Variants in UNC13B observed in about 807,000 individuals in gnomAD.
UNC13B encodes unc-13 homolog B.
In UNC13B, 144 loss-of-function variants were observed where a neutral mutation model predicts 211.0. The observed-to-expected ratio is 0.68, with a 90% CI of 0.60 to 0.78. The LOEUF (loss-of-function observed/expected upper bound fraction) is 0.78. Among genes scored for constraint, UNC13B ranks in the 30% least tolerant of loss-of-function variants. UNC13B has a pLI of 0.00. For missense variants in UNC13B, 1,777 were observed against 2,002.0 expected, an observed-to-expected ratio of 0.89 and a Z score of 2.14; for synonymous variants, 709 against 725.8, an observed-to-expected ratio of 0.98 and a Z score of 0.37.
rs757698118 is a variant in UNC13B at position 35,397,248 on chromosome 9, A to G, written c.11614A>G (p.Ile3872Val). 4 of 1,614,168 alleles carry G rather than the reference A, an allele frequency of 2.5e-6. No individual in the cohort carries two copies. The Admixed American group carries it at 6.7e-5, about 27-fold the overall frequency. The change falls in exon 29 of 40, where the codon ATC becomes GTC. Residue 3872 changes from isoleucine to valine, a missense_variant. By Grantham distance (29) the Ile-to-Val change is conservative. Coordinates refer to ENST00000635942, the MANE Select transcript of UNC13B (RefSeq NM_001371189.2). ...ACAACTCAATCAGAGCTTTGAGATCATCCGGAAGCTGGAATGCCCAGACCC... is the reference window on the plus strand; with the variant it reads ...ACAACTCAATCAGAGCTTTGAGATCGTCCGGAAGCTGGAATGCCCAGACCC... Reference protein sequence around the residue: ...FTQLNQSFEIIRKLECPDPSI... With the variant: ...FTQLNQSFEIVRKLECPDPSI...
At chr9:35,247,523 G>A (rs146517669) in intron 6 of UNC13B, among the ~76,000 whole-genome samples, 3 of 152,060 alleles carry the variant, frequency 2.0e-5, no homozygotes, top group Non-Finnish European at 2.9e-5. Context: ...TTTGAGATAC[G>A]TCCCATCAGT....
At chr9:35,215,442 C>T (rs927063752) in intron 1 of UNC13B, among the ~76,000 whole-genome samples, 1 of 152,090 alleles carries the variant, frequency 6.6e-6, no homozygotes. Context: ...TATAAAACTA[C>T]TATAATTTTA....
At chr9:35,365,246 C>G (rs1367452323) in intron 11 of UNC13B, among the ~76,000 whole-genome samples, 1 of 152,224 alleles carries the variant, frequency 6.6e-6, no homozygotes, top group Non-Finnish European at 1.5e-5. Flanking sequence ...GAATCCTCCT[C>G]AGATGAGTTT....
At chr9:35,328,814 C>T (rs1831199942) in intron 11 of UNC13B, among the ~76,000 whole-genome samples, 1 of 151,456 alleles carries the variant, frequency 6.6e-6, no homozygotes, top group South Asian at 2.1e-4. Flanking sequence ...GTCGCCCAGG[C>T]TGGAGTGCAG....
chr9:35,281,248 CA>C (rs74176713), intron 7 of UNC13B, among the ~76,000 whole-genome samples: 46,520 of 117,160 alleles, frequency 0.4, 8,778 homozygotes, highest in Non-Finnish European at 0.49. Context: ...GACTCTATCT[CA>C]AAAAAAAAAA....
chr9:35,398,608 G>T lies in UNC13B; in HGVS notation c.11887G>T (p.Val3963Phe). 1 of 1,614,072 alleles carries T rather than the reference G, an allele frequency of 6.2e-7. No homozygotes were observed. Among genetic ancestry groups the T allele is most frequent in the South Asian group, 1.1e-5 (1 of 91,076 alleles). ...GGAGCTGCAGGTGAAACTGAATACGGTTCTGGATGAGCTCAGCATGGTGTT... is the reference window on the plus strand; with the variant it reads ...GGAGCTGCAGGTGAAACTGAATACGTTTCTGGATGAGCTCAGCATGGTGTT... The part of the protein sequence containing the change: ...LKELQVKLNT[V>F]LDELSMVFGN... Residue 3963 changes from valine to phenylalanine, a missense_variant, in exon 32 of 40, where the codon GTT (valine) becomes TTT (phenylalanine). Transcript: ENST00000635942.
At chr9:35,292,338 AT>A (rs1829140007) in intron 7 of UNC13B, among the ~76,000 whole-genome samples, 1 of 152,068 alleles carries the variant, frequency 6.6e-6, no homozygotes, top group African/African-American at 2.4e-5. Context: ...CAGGTTTTTA[AT>A]TTTCCATAAT....
chr9:35,264,781 A>G (rs1406233625), intron 7 of UNC13B, among the ~76,000 whole-genome samples: 1 of 152,102 alleles, frequency 6.6e-6, no homozygotes, highest in Non-Finnish European at 1.5e-5. Flanking sequence ...AGCCAAAGAG[A>G]ATTATTCTTG....
In UNC13B at chr9:35,357,422, G is replaced by GT. The variant is rs555773170; in HGVS notation, c.9415-9517dup. Among the ~76,000 whole-genome samples the GT allele has an allele frequency of 1.4e-3, 207 of 151,082 alleles. 10 individuals are homozygous for GT. The South Asian group carries it at 0.038, about 28-fold the overall frequency. ...AGCCTTGGACCACTTTTAAATTGAG[G>GT]TTTTTTTTCGTTTTGTTTTTGAGCT... is the stretch of plus-strand genomic sequence containing the variant. On this transcript the variant is annotated intron_variant, in intron 11 of 39. Coordinates refer to ENST00000635942, the MANE Select transcript of UNC13B (RefSeq NM_001371189.2).
At chr9:35,356,567 T>C (rs1482674759) in intron 11 of UNC13B, among the ~76,000 whole-genome samples, 2 of 152,182 alleles carry the variant, frequency 1.3e-5, no homozygotes, top group African/African-American at 2.4e-5. Context: ...ACACAGTTGA[T>C]GATCACTTTC....
At chr9:35,201,673 G>A (rs1049199112) in intron 1 of UNC13B, among the ~76,000 whole-genome samples, 1 of 152,136 alleles carries the variant, frequency 6.6e-6, no homozygotes, top group Non-Finnish European at 1.5e-5. Context: ...TGTGGGATCG[G>A]TGGTGATATC....
rs372812969 is a variant in UNC13B at position 35,232,926 on chromosome 9, A to T, written c.152+1707A>T. Among the ~76,000 whole-genome samples the T allele has an allele frequency of 7.6e-4, 116 of 152,230 alleles. 2 individuals carry two copies. The South Asian group carries it at 0.019, about 25-fold the overall frequency. ...GGGAACTAAAAAGGATTGAACAGAG[A>T]GGTAGGAGAGCCAGGAGATAATGGT... On this transcript the variant is annotated intron_variant, in intron 3 of 39. Transcript: ENST00000635942.
At chr9:35,197,097 T>C (rs139468532) in intron 1 of UNC13B, among the ~76,000 whole-genome samples, 11 of 152,366 alleles carry the variant, frequency 7.2e-5, no homozygotes, top group African/African-American at 2.6e-4. Context: ...ATTAGCTTCA[T>C]AATTAGATGA....
rs1411808194 is a variant in UNC13B, at chr9:35,352,159, C to T, written c.9415-14788C>T. ...AGGGTGAAAAGGCCCAGGAACCCCA[C>T]GTGGACAGACCCAGTGAGGAAGCCA... On this transcript the variant is annotated intron_variant, in intron 11 of 39. Coordinates refer to ENST00000635942, the MANE Select transcript of UNC13B (RefSeq NM_001371189.2). The T allele has an allele frequency of 1.3e-4, 165 of 1,232,236 alleles. 1 individual carries two copies. The East Asian group carries it at 4.9e-3, about 37-fold the overall frequency. The allele number at this position is 1,232,236 out of a possible 1,614,324, so 76.3% of individuals were successfully genotyped here.
At chr9:35,352,110 C>T in intron 11 of UNC13B, 1 of 1,232,174 alleles carries the variant, frequency 8.1e-7, no homozygotes. Flanking sequence ...CAGGTGAGCA[C>T]CTGTTCCCTG....
chr9:35,172,038 A>T (rs1486650550), intron 1 of UNC13B, among the ~76,000 whole-genome samples: 2 of 151,562 alleles, frequency 1.3e-5, no homozygotes, highest in Non-Finnish European at 2.9e-5. Context: ...TTTATTTATT[A>T]ATTTTTTTTT....
intron 7 of UNC13B, among the ~76,000 whole-genome samples, chr9:35,282,541 C>T (rs1828559392): frequency 6.6e-6 from 1 of 152,118 alleles, no homozygotes; most frequent in Non-Finnish European, 1.5e-5. Flanking sequence ...AAGAGATTCT[C>T]CTGCTTTAGC....
intron 11 of UNC13B, among the ~76,000 whole-genome samples, chr9:35,321,375 C>T (rs943040339): frequency 1.3e-5 from 2 of 152,076 alleles, no homozygotes; most frequent in African/African-American, 4.8e-5. Flanking sequence ...CGTGTGCCAC[C>T]ATGCCCGGCT....
intron 6 of UNC13B, among the ~76,000 whole-genome samples, chr9:35,250,875 C>T (rs575058947): frequency 2.7e-5 from 4 of 149,986 alleles, no homozygotes; most frequent in Non-Finnish European, 5.9e-5. Context: ...ATGAAGTGGT[C>T]TCTCATTTTG....
Sources: gnomAD v4.1 joint callset for allele counts (sites outside exome capture counted in the v4.1 genomes callset) on GRCh38, gnomAD v4.1.1 for gene constraint, MANE v1.5 for transcripts, NCBI Gene and HGNC (gene_info 2026-07-23, HGNC 2026-07-21) for gene names.